Variants in OPCML observed in about 807,000 individuals in gnomAD.
The protein encoded by OPCML is opioid-binding protein/cell adhesion molecule.
OPCML carries 13 observed loss-of-function variants against 37.8 expected under a neutral mutation model. The observed-to-expected ratio is 0.34, with a 90% CI of 0.22 to 0.55. OPCML has a LOEUF of 0.55. Among genes scored for constraint, OPCML ranks in the 20% least tolerant of loss-of-function variants. The pLI is 0.91. For synonymous variants in OPCML, 176 were observed against 168.8 expected, an observed-to-expected ratio of 1.04 and a Z score of -0.33; for missense variants, 341 against 435.6, an observed-to-expected ratio of 0.78 and a Z score of 1.93.
chr11:132,962,182 T>C (rs1946106631), intron 1 of OPCML, among the ~76,000 whole-genome samples: 1 of 152,234 alleles, frequency 6.6e-6, no homozygotes. Context: ...TTGTTTTAAC[T>C]GGATGCTTGT....
Position 133,034,597 on chromosome 11 carries a change from C to T in OPCML, c.62-91587G>A, listed in dbSNP as rs139861189. ...GGTCAAATTGCTGACCTTTACTGTG[C>T]CTCAACGTTCTTCAATAAAGAATGC... On this transcript the variant is annotated intron_variant, in intron 1 of 7. Transcript: ENST00000524381. 5.3e-3 allele frequency among the ~76,000 whole-genome samples: 808 copies of T among 152,226 alleles called. 7 individuals carry two copies. Among genetic ancestry groups the T allele is most frequent in the African/African-American group, 0.018 (762 of 41,522 alleles).
intron 1 of OPCML, among the ~76,000 whole-genome samples, chr11:133,348,507 G>A (rs1166157678): frequency 6.6e-6 from 1 of 152,190 alleles, no homozygotes; most frequent in Non-Finnish European, 1.5e-5. Context: ...ATCTGCAAGA[G>A]AGGAGCATAC....
intron 1 of OPCML, among the ~76,000 whole-genome samples, chr11:133,274,481 A>G (rs1941937490): frequency 6.6e-6 from 1 of 152,338 alleles, no homozygotes; most frequent in African/African-American, 2.4e-5. Flanking sequence ...AACACCAGAC[A>G]TGGGAAGAGT....
At chr11:133,429,632 T>C (rs1465763256) in intron 1 of OPCML, among the ~76,000 whole-genome samples, 2 of 152,076 alleles carry the variant, frequency 1.3e-5, no homozygotes, top group African/African-American at 4.8e-5. Context: ...TTGCAGAAGG[T>C]AGAGTCAACA....
chr11:132,947,143 G>T (rs1945761325), intron 1 of OPCML, among the ~76,000 whole-genome samples: 1 of 152,128 alleles, frequency 6.6e-6, no homozygotes, highest in South Asian at 2.1e-4. Context: ...CAAAAATGGA[G>T]CAGTTGCTAA....
chr11:133,289,202 A>G (rs2136532615), intron 1 of OPCML, among the ~76,000 whole-genome samples: 1 of 152,232 alleles, frequency 6.6e-6, no homozygotes, highest in East Asian at 1.9e-4. Flanking sequence ...TGGATAGTAA[A>G]CCCTGATTTA....
chr11:133,442,628 C>T (rs1946386040), intron 1 of OPCML, among the ~76,000 whole-genome samples: 1 of 151,976 alleles, frequency 6.6e-6, no homozygotes, highest in Admixed American at 6.6e-5. Flanking sequence ...GAAGTAGGTC[C>T]ATTCTTACTA....
At chr11:133,400,986 G>A (rs545821059) in intron 1 of OPCML, among the ~76,000 whole-genome samples, 39 of 152,308 alleles carry the variant, frequency 2.6e-4, no homozygotes, top group Admixed American at 9.8e-4. Context: ...GTTAACAAGC[G>A]TCAGAATATG....
Position 132,562,326 on chromosome 11 carries a change from C to T in OPCML, c.380-33140G>A, listed in dbSNP as rs552291228. On this transcript the variant is annotated intron_variant, in intron 3 of 7. Coordinates refer to ENST00000524381, the MANE Select transcript of OPCML (RefSeq NM_001012393.5). The stretch of plus-strand genomic sequence containing the variant: ...AGCACTATTTGGAAAGTAGGGGTCT[C>T]AGGAAAAAAAAAAAGTCTAGTATGA... 1.1e-4 allele frequency among the ~76,000 whole-genome samples: 17 copies of T among 149,648 alleles called. No individual in the cohort carries two copies. In the South Asian group the frequency reaches 3.6e-3, roughly 32 times the overall value.
At chr11:132,873,155 G>C (rs1049899335) in intron 2 of OPCML, among the ~76,000 whole-genome samples, 2 of 152,118 alleles carry the variant, frequency 1.3e-5, no homozygotes, top group Non-Finnish European at 2.9e-5. Flanking sequence ...TCCAGGAGTG[G>C]TTAAAAGTCA....
At position 132,415,549 on chromosome 11, in the gene OPCML, G is replaced by A. The variant is rs3824898; in HGVS notation, c.*4644C>T. The A allele has an allele frequency of 0.49, 74,274 of 151,992 alleles. 20,443 individuals carry two copies. The highest frequency in any genetic ancestry group is 0.76 in the African/African-American group (31,657 of 41,458). The allele number at this position is 151,992 out of a possible 1,614,324, so 9.4% of individuals were successfully genotyped here. ...AGAATGTAGCCTCAAAAGGATGGTCGAGGGTTCGCAATCTTTCTTTCTCCA... is the reference window on the plus strand; with the variant it reads ...AGAATGTAGCCTCAAAAGGATGGTCAAGGGTTCGCAATCTTTCTTTCTCCA... On this transcript the variant is annotated 3_prime_UTR_variant, in exon 8 of 8. Coordinates refer to ENST00000524381, the MANE Select transcript of OPCML (RefSeq NM_001012393.5).
intron 2 of OPCML, among the ~76,000 whole-genome samples, chr11:132,728,321 C>T (rs1365262539): frequency 6.6e-6 from 1 of 152,166 alleles, no homozygotes; most frequent in African/African-American, 2.4e-5. Context: ...TTTGATCTCT[C>T]TTTCAAGCGG....
At chr11:132,512,398 G>C (rs1379165454) in intron 4 of OPCML, among the ~76,000 whole-genome samples, 1 of 151,978 alleles carries the variant, frequency 6.6e-6, no homozygotes, top group East Asian at 1.9e-4. Flanking sequence ...AAAAAGGCCT[G>C]TACATACGTG....
intron 1 of OPCML, chr11:133,005,358 C>T: frequency 1.0e-6 from 1 of 985,420 alleles, no homozygotes; most frequent in Middle Eastern, 5.2e-4. Flanking sequence ...GATGTAGACA[C>T]ATACAGCAAA....
intron 2 of OPCML, among the ~76,000 whole-genome samples, chr11:132,881,545 C>G (rs1205987614): frequency 6.6e-6 from 1 of 151,752 alleles, no homozygotes; most frequent in African/African-American, 2.4e-5. Flanking sequence ...TGGGGACACT[C>G]CCAGTAAATG....
intron 1 of OPCML, chr11:133,004,174 C>A: frequency 1.0e-6 from 1 of 985,432 alleles, no homozygotes; most frequent in Middle Eastern, 5.2e-4. Flanking sequence ...CACTCCTCTG[C>A]CGTCTCATCT....
At chr11:132,460,981 A>C (rs2096099659) in intron 4 of OPCML, among the ~76,000 whole-genome samples, 1 of 152,176 alleles carries the variant, frequency 6.6e-6, no homozygotes, top group Non-Finnish European at 1.5e-5. Flanking sequence ...TATCCCATGA[A>C]ATTTGGTAGA....
At chr11:133,480,357 G>A (rs1395049657) in intron 1 of OPCML, among the ~76,000 whole-genome samples, 2 of 152,240 alleles carry the variant, frequency 1.3e-5, no homozygotes, top group Admixed American at 1.3e-4. Flanking sequence ...AACCTGGAGT[G>A]GTAGAACCAG....
chr11:133,052,576 A>G (rs1278959474), intron 1 of OPCML, among the ~76,000 whole-genome samples: 1 of 152,166 alleles, frequency 6.6e-6, no homozygotes, highest in Non-Finnish European at 1.5e-5. Flanking sequence ...TGGCACCTGG[A>G]TGTTGCCTTT....
Sources: allele counts gnomAD v4.1 joint callset (sites outside exome capture counted in the v4.1 genomes callset), GRCh38; gene constraint gnomAD v4.1.1; transcripts MANE v1.5; gene names NCBI Gene and HGNC (gene_info 2026-07-23, HGNC 2026-07-21).